The following PCNX2 variants were observed in gnomAD, a reference collection of about 807,000 sequenced individuals.
PCNX2 encodes the protein pecanex 2.
PCNX2 carries 168 observed loss-of-function variants against 223.8 expected under a neutral mutation model. The observed-to-expected ratio is 0.75, with a 90% CI of 0.66 to 0.85. The LOEUF (loss-of-function observed/expected upper bound fraction) is 0.85, where lower values mean the gene tolerates loss of function less well. Among genes scored for constraint, PCNX2 ranks in the 40% least tolerant of loss-of-function variants. The pLI is 0.00. For synonymous variants in PCNX2, 1,006 were observed against 1,052.6 expected (o/e 0.96, Z 0.86); for missense variants, 2,507 against 2,675.5 (o/e 0.94, Z 1.39).
intron 4 of PCNX2, among the ~76,000 whole-genome samples, chr1:233,259,631 C>G (rs61369477): frequency 0.028 from 4,302 of 152,126 alleles, 115 homozygotes; most frequent in African/African-American, 0.069. Context: ...CCTTGCCCCC[C>G]ACCTCTGACA....
chr1:233,059,184 C>G (rs1279431503), intron 23 of PCNX2, among the ~76,000 whole-genome samples: 1 of 152,150 alleles, frequency 6.6e-6, no homozygotes, highest in Non-Finnish European at 1.5e-5. Context: ...CAAGTATCAC[C>G]TTCTCAGGGA....
chr1:233,174,912 A>G (rs1032849125), intron 17 of PCNX2, among the ~76,000 whole-genome samples: 1 of 152,224 alleles, frequency 6.6e-6, no homozygotes, highest in Admixed American at 6.5e-5. Flanking sequence ...CTGTTTCTAG[A>G]TCAATGTTTC....
intron 12 of PCNX2, among the ~76,000 whole-genome samples, chr1:233,210,099 C>T (rs965403346): frequency 1.3e-5 from 2 of 151,948 alleles, no homozygotes; most frequent in African/African-American, 4.8e-5. Flanking sequence ...TTGAATCTTC[C>T]AAGTCAAACT....
In PCNX2 at chr1:233,091,666, G is replaced by A. The variant is rs528447787; in HGVS notation, c.3947-1476C>T. On this transcript the variant is annotated intron_variant, in intron 22 of 33. Transcript: ENST00000258229. Reference sequence around the variant, plus strand: ...GAGGATCTCTTGAGCCCAGGAGTTTGAGGCTGCAGTGAGCTAGAATTGCAC... The same window carrying A: ...GAGGATCTCTTGAGCCCAGGAGTTTAAGGCTGCAGTGAGCTAGAATTGCAC... Among the ~76,000 whole-genome samples, 15 of 149,840 alleles carry A rather than the reference G, an allele frequency of 1.0e-4. No individual in the cohort carries two copies. In the Admixed American group the frequency reaches 1.0e-3, roughly 10 times the overall value.
At chr1:233,148,428 TTC>T (rs894267257) in intron 19 of PCNX2, among the ~76,000 whole-genome samples, 4 of 146,094 alleles carry the variant, frequency 2.7e-5, no homozygotes, top group African/African-American at 1.1e-4. Flanking sequence ...TTTTTTTCTT[TTC>T]TTTTTTTTTT....
chr1:233,318,293 A>G, the PCNX2 span, among the ~76,000 whole-genome samples: 25 of 152,158 alleles, frequency 1.6e-4, no homozygotes, highest in Non-Finnish European at 3.2e-4. Flanking sequence ...ATTCACATAC[A>G]GTTTTTGAGG....
chr1:233,138,579 A>G (rs1185525024), intron 20 of PCNX2, among the ~76,000 whole-genome samples: 1 of 152,194 alleles, frequency 6.6e-6, no homozygotes, highest in Non-Finnish European at 1.5e-5. Context: ...AGAAGCTCAC[A>G]AAGTTCTAAA....
At chr1:233,211,657 G>A (rs1327787538) in intron 12 of PCNX2, 7 of 451,262 alleles carry the variant, frequency 1.6e-5, no homozygotes, top group Non-Finnish European at 2.0e-5. Flanking sequence ...AAACAGCATG[G>A]CAGAGTAAGG....
chr1:233,024,926 T>C (rs1445197199), intron 26 of PCNX2, among the ~76,000 whole-genome samples: 1 of 152,194 alleles, frequency 6.6e-6, no homozygotes. Flanking sequence ...AAACTGCTTA[T>C]TGGTGCCTAA....
intron 13 of PCNX2, 59 bp downstream of exon 13, chr1:233,208,458 CA>C: frequency 1.3e-6 from 2 of 1,495,714 alleles, no homozygotes; most frequent in Non-Finnish European, 1.8e-6. Flanking sequence ...ATTCAGAAGA[CA>C]AAGGGGAGAC....
At chr1:233,095,888 A>G in intron 21 of PCNX2, 25 bp from the exon 22 acceptor site, 1 of 1,513,676 alleles carries the variant, frequency 6.6e-7, no homozygotes, top group Non-Finnish European at 9.1e-7. Context: ...AAAAAAATTC[A>G]TCAGAGAGGA....
rs907624640 is a variant in PCNX2, at chr1:233,139,677, C to A, written c.3659+37G>T. 1.9e-6 allele frequency: 3 copies of A among 1,547,508 alleles called. No individual in the cohort carries two copies. Among genetic ancestry groups the A allele is most frequent in the Non-Finnish European group, 2.6e-6 (3 of 1,142,954 alleles). ...AATTCACTCGATTTTGAAAATGTGA[C>A]CCAAATCATTATGAAGATAAACCAT... On this transcript the variant is annotated intron_variant, in intron 20 of 33. Transcript: ENST00000258229. The surrounding 1 kb of genome is among the most constrained non-coding windows in gnomAD (Gnocchi z 4.4).
intron 15 of PCNX2, among the ~76,000 whole-genome samples, chr1:233,198,321 TGATTACTCA>T (rs1680854116): frequency 6.6e-6 from 1 of 152,222 alleles, no homozygotes. Context: ...TATAACATGA[TGATTACTCA>T]GATTACTATA....
At chr1:233,076,739 C>T (rs1190423788) in intron 23 of PCNX2, among the ~76,000 whole-genome samples, 2 of 152,188 alleles carry the variant, frequency 1.3e-5, no homozygotes, top group East Asian at 3.8e-4. Flanking sequence ...AAATCATTTA[C>T]ACCTTGACTA....
chr1:233,234,945 T>A (rs1394170970), intron 9 of PCNX2, among the ~76,000 whole-genome samples: 1 of 151,572 alleles, frequency 6.6e-6, no homozygotes, highest in Non-Finnish European at 1.5e-5. Flanking sequence ...GCTGACAGTG[T>A]GTGCAGAACA....
intron 17 of PCNX2, among the ~76,000 whole-genome samples, chr1:233,166,971 A>C (rs997396575): frequency 3.9e-5 from 6 of 152,064 alleles, no homozygotes; most frequent in Non-Finnish European, 8.8e-5. Flanking sequence ...ATGGGAACCC[A>C]TCTCTATATT....
Position 233,253,490 on chromosome 1 carries a change from A to C in PCNX2, c.1835-702T>G, listed in dbSNP as rs1196007830. On this transcript the variant is annotated intron_variant, in intron 5 of 33. Transcript: ENST00000258229. The surrounding 1 kb of genome is among the most constrained non-coding windows in gnomAD (Gnocchi z 4.2). ...CTCCCAAGCAGCTGGGATGACAGGC[A>C]CATGCCACTACATCCAGCTAATTTT... Among the ~76,000 whole-genome samples, 1 of 152,184 alleles carries C rather than the reference A, an allele frequency of 6.6e-6. No homozygotes were observed. Among genetic ancestry groups the C allele is most frequent in the Non-Finnish European group, 1.5e-5 (1 of 68,034 alleles).
chr1:233,159,996 C>T (rs1377609574), intron 19 of PCNX2, among the ~76,000 whole-genome samples: 10 of 152,180 alleles, frequency 6.6e-5, no homozygotes, highest in Admixed American at 6.5e-4. Flanking sequence ...TTCCACAATA[C>T]CAATAGCCAA....
intron 23 of PCNX2, among the ~76,000 whole-genome samples, chr1:233,081,171 AC>A (rs1673342342): frequency 1.3e-5 from 2 of 151,994 alleles, no homozygotes; most frequent in East Asian, 3.9e-4. Flanking sequence ...AGATGATGAA[AC>A]CCCATCTCTA....
Sources: allele counts gnomAD v4.1 joint callset (sites outside exome capture counted in the v4.1 genomes callset), GRCh38; gene constraint gnomAD v4.1.1; non-coding constraint Gnocchi (gnomAD v3.1); transcripts MANE v1.5; gene names NCBI Gene and HGNC (gene_info 2026-07-23, HGNC 2026-07-21).